The following COL24A1 variants were observed in gnomAD, a reference collection of about 807,000 sequenced individuals.
COL24A1 encodes collagen type XXIV alpha 1 chain, also known as collagen alpha-1(XXIV) chain.
In COL24A1, 224 loss-of-function variants were observed where a neutral mutation model predicts 253.9. The ratio of observed to expected loss-of-function variants is 0.88; its 90% CI spans 0.79 to 0.99. COL24A1 has a LOEUF of 0.99. Ranked by LOEUF, COL24A1 falls within the 50% of genes least tolerant of loss-of-function variation. The pLI, the probability that COL24A1 is intolerant of heterozygous loss-of-function variation, is 0.00. For missense variants in COL24A1, 2,131 were observed against 2,068.5 expected (o/e 1.03, Z -0.59); for synonymous variants, 685 against 673.7 (o/e 1.02, Z -0.26).
chr1:85,868,886 T>C, intron 35 of COL24A1, 51 bp from the exon 36 acceptor site: 2 of 1,291,344 alleles, frequency 1.5e-6, no homozygotes. Context: ...CTATATCATT[T>C]ATCTTATTTT....
chr1:85,995,255 A>AT lies in COL24A1; in HGVS notation c.2311-7602dup, dbSNP rs918030608. Among the ~76,000 whole-genome samples, 747 of 150,282 alleles carry AT rather than the reference A, an allele frequency of 5.0e-3. 3 individuals are homozygous for AT. Among genetic ancestry groups the AT allele is most frequent in the Middle Eastern group, 0.021 (6 of 290 alleles). ...CCACCACGTTCAGCTAATTAAAAAA[A>AT]TTTTTTTTTTTTTAGAGATGTGGTC... On this transcript the variant is annotated intron_variant, in intron 19 of 59. Coordinates refer to ENST00000370571, the MANE Select transcript of COL24A1 (RefSeq NM_152890.7).
At position 85,877,112 on chromosome 1, in the gene COL24A1, A is replaced by C. The variant is rs1316470933; in HGVS notation, c.3030+10T>G. 6.2e-7 allele frequency: 1 copy of C among 1,600,438 alleles called. No individual in the cohort carries two copies. Among genetic ancestry groups the C allele is most frequent in the East Asian group, 2.3e-5 (1 of 44,368 alleles). The stretch of plus-strand genomic sequence containing the variant: ...TATTTATGAAGAAGAACTAGCCACA[A>C]AAAATTTACCTCCATGCCCATTTCT... On this transcript the variant is annotated intron_variant, in intron 33 of 59. Coordinates refer to ENST00000370571, the MANE Select transcript of COL24A1 (RefSeq NM_152890.7).
intron 1 of COL24A1, among the ~76,000 whole-genome samples, chr1:86,153,706 C>T (rs1653091068): frequency 6.6e-6 from 1 of 152,154 alleles, no homozygotes. Flanking sequence ...TTTATTTGAA[C>T]ACAAATATAA....
chr1:85,907,056 A>G (rs1684905088), intron 28 of COL24A1, 138 bp downstream of exon 28: 1 of 598,654 alleles, frequency 1.7e-6, no homozygotes. Context: ...CATTCATCTA[A>G]TATAATGAAA....
At chr1:85,732,130 C>T (rs1282023730) in intron 59 of COL24A1, among the ~76,000 whole-genome samples, 1 of 152,182 alleles carries the variant, frequency 6.6e-6, no homozygotes, top group Non-Finnish European at 1.5e-5. Flanking sequence ...ACCTACCTCA[C>T]AGGCTTGCGA....
intron 37 of COL24A1, among the ~76,000 whole-genome samples, chr1:85,861,749 T>C (rs1292943496): frequency 6.6e-6 from 1 of 152,156 alleles, no homozygotes; most frequent in East Asian, 1.9e-4. Context: ...AGATAGCCAA[T>C]AACACTAACC....
chr1:85,993,041 A>G (rs1029187762), intron 19 of COL24A1, among the ~76,000 whole-genome samples: 1 of 152,168 alleles, frequency 6.6e-6, no homozygotes, highest in Non-Finnish European at 1.5e-5. Flanking sequence ...TTATTATTCT[A>G]TAATCACTAG....
chr1:85,743,029 C>T (rs1340364402), intron 57 of COL24A1, among the ~76,000 whole-genome samples: 1 of 152,076 alleles, frequency 6.6e-6, no homozygotes, highest in East Asian at 1.9e-4. Context: ...AGTGGTTTCC[C>T]TACCTCTACC....
intron 47 of COL24A1, among the ~76,000 whole-genome samples, chr1:85,793,442 GGAGA>G (rs2101691188): frequency 6.6e-6 from 1 of 151,836 alleles, no homozygotes; most frequent in Admixed American, 6.6e-5. Context: ...AAAGAAAAAG[GGAGA>G]AAGAGAAGGA....
At chr1:86,105,024 T>C (rs1237041663) in intron 5 of COL24A1, among the ~76,000 whole-genome samples, 1 of 152,156 alleles carries the variant, frequency 6.6e-6, no homozygotes, top group Non-Finnish European at 1.5e-5. Flanking sequence ...GGACTGTGTG[T>C]GCCCTCCGTA....
rs1450361067 is a variant in COL24A1, at chr1:85,973,695, A to G, written c.2365-2302T>C. On this transcript the variant is annotated intron_variant, in intron 20 of 59. Coordinates refer to ENST00000370571, the MANE Select transcript of COL24A1 (RefSeq NM_152890.7). ...GGTTAAAGGGAATGAGGTCCCCCTA[A>G]CTCTCTCATTGAAGCTATTTACTCG... 2.0e-5 allele frequency among the ~76,000 whole-genome samples: 3 copies of G among 152,102 alleles called. No homozygotes were observed. The East Asian group carries it at 5.8e-4, about 29-fold the overall frequency.
At chr1:85,741,136 A>G (rs146518408) in intron 57 of COL24A1, among the ~76,000 whole-genome samples, 1,754 of 151,280 alleles carry the variant, frequency 0.012, 13 homozygotes, top group Non-Finnish European at 0.02. Context: ...AAAAAAAGAA[A>G]AGAAAAGAAA....
chr1:86,155,360 A>T (rs866952202), intron 1 of COL24A1: 1 of 152,908 alleles, frequency 6.5e-6, no homozygotes, highest in African/African-American at 2.4e-5. Context: ...GACACGGTCA[A>T]TTCTGTTCCT....
chr1:86,142,367 CA>C (rs1651235905), intron 2 of COL24A1, among the ~76,000 whole-genome samples: 1 of 151,188 alleles, frequency 6.6e-6, no homozygotes, highest in African/African-American at 2.4e-5. Flanking sequence ...ACTAAAAATA[CA>C]AAAAATTAGC....
At chr1:86,102,609 T>G (rs1242330918) in intron 5 of COL24A1, among the ~76,000 whole-genome samples, 4 of 152,202 alleles carry the variant, frequency 2.6e-5, no homozygotes, top group Non-Finnish European at 5.9e-5. Flanking sequence ...AAAGAACTTC[T>G]TCACTCCTGC....
intron 13 of COL24A1, among the ~76,000 whole-genome samples, chr1:86,033,661 AT>A (rs1322514625): frequency 5.4e-5 from 5 of 92,792 alleles, no homozygotes; most frequent in African/African-American, 1.6e-4. Context: ...AAAATAATTA[AT>A]TTAAAGATTG....
intron 7 of COL24A1, among the ~76,000 whole-genome samples, chr1:86,068,701 A>T (rs1343847863): frequency 2.0e-5 from 3 of 152,114 alleles, no homozygotes; most frequent in African/African-American, 4.8e-5. Context: ...GCTCATAACA[A>T]GGAAAGTGAC....
chr1:85,731,993 C>T (rs1663523755), intron 59 of COL24A1, among the ~76,000 whole-genome samples: 1 of 152,040 alleles, frequency 6.6e-6, no homozygotes, highest in Admixed American at 6.6e-5. Flanking sequence ...AACAGAAGGG[C>T]AAGTAGAAAG....
chr1:86,067,972 T>C (rs1352246868), intron 7 of COL24A1, among the ~76,000 whole-genome samples: 5 of 152,232 alleles, frequency 3.3e-5, no homozygotes, highest in African/African-American at 1.2e-4. Context: ...GGAATGACAA[T>C]AGGAAAATTT....
Sources: allele counts gnomAD v4.1 joint callset (sites outside exome capture counted in the v4.1 genomes callset), GRCh38; gene constraint gnomAD v4.1.1; transcripts MANE v1.5; gene names NCBI Gene and HGNC (gene_info 2026-07-23, HGNC 2026-07-21).